CD33: variants seen among roughly 807,000 people sequenced by gnomAD.
CD33 encodes myeloid cell surface antigen CD33.
A neutral mutation model predicts 31.4 loss-of-function variants in CD33; 25 were observed. The ratio of observed to expected loss-of-function variants is 0.80; its 90% CI spans 0.58 to 1.11. The LOEUF is 1.11. Ranked by LOEUF, CD33 falls within the 50% of genes most tolerant of loss-of-function variation. CD33 has a pLI of 0.00. For missense variants in CD33, 407 were observed against 448.1 expected, an observed-to-expected ratio of 0.91 and a Z score of 0.83; for synonymous variants, 176 against 180.6, an observed-to-expected ratio of 0.97 and a Z score of 0.20.
chr19:51,233,684 G>A (rs1245583700), intron 4 of CD33, among the ~76,000 whole-genome samples: 1 of 152,236 alleles, frequency 6.6e-6, no homozygotes, highest in Admixed American at 6.5e-5. Flanking sequence ...TGTGAGGACT[G>A]TAAGATTAAC....
chr19:51,227,092 C>G (rs574138643), intron 4 of CD33, among the ~76,000 whole-genome samples: 1 of 151,878 alleles, frequency 6.6e-6, no homozygotes, highest in Non-Finnish European at 1.5e-5. Context: ...TGTGTATATA[C>G]GCCACATTTC....
intron 4 of CD33, among the ~76,000 whole-genome samples, 179 bp downstream of exon 4, chr19:51,226,535 T>C (rs1981049638): frequency 6.6e-6 from 1 of 152,186 alleles, no homozygotes; most frequent in Non-Finnish European, 1.5e-5. Context: ...CCCTTGCCCA[T>C]CCAAATAATG....
the CD33 span, among the ~76,000 whole-genome samples, chr19:51,217,414 G>GT: frequency 3.3e-3 from 478 of 144,694 alleles, 1 homozygote; most frequent in East Asian, 0.016. Flanking sequence ...TTGTTGTTTT[G>GT]TTTTTTTTTT....
chr19:51,226,080 C>T lies in CD33; in HGVS notation c.696C>T (p.Thr232=). Residue 232 remains threonine (T), a splice_region_variant and synonymous_variant, in exon 3 of 7, where the codon ACC becomes ACT. Transcript: ENST00000262262. The stretch of plus-strand genomic sequence containing the variant: ...AGAGAACCATCCAGCTCAACGTCAC[C>T]TGTAAGTGCTGGGCCAGGATGCTGG... ...TTERTIQLNV[T]YVPQNPTTGI... The T allele has an allele frequency of 6.2e-7, 1 of 1,613,664 alleles. No individual in the cohort carries two copies. Among genetic ancestry groups the T allele is most frequent in the Non-Finnish European group, 8.5e-7 (1 of 1,179,716 alleles).
At chr19:51,237,067 C>A (rs1181558108) in intron 6 of CD33, 1 of 152,330 alleles carries the variant, frequency 6.6e-6, no homozygotes, top group Non-Finnish European at 1.5e-5. Flanking sequence ...GCAGGGCAAG[C>A]TTTCTCATCT....
the CD33 span, chr19:51,211,110 T>C: frequency 1.3e-6 from 2 of 1,580,626 alleles, no homozygotes; most frequent in Non-Finnish European, 1.7e-6. Flanking sequence ...GCCTCAGACA[T>C]GCCACTGCTG....
intron 2 of CD33, 96 bp downstream of exon 2, chr19:51,225,694 G>T: frequency 6.5e-7 from 1 of 1,537,112 alleles, no homozygotes; most frequent in South Asian, 1.2e-5. Flanking sequence ...GGGTTTAGGG[G>T]TAAAGCCTGT....
chr19:51,229,334 G>A (rs916552242), intron 4 of CD33, among the ~76,000 whole-genome samples: 1 of 152,118 alleles, frequency 6.6e-6, no homozygotes, highest in Non-Finnish European at 1.5e-5. Flanking sequence ...GTTCATCAGG[G>A]ATATTGGCCT....
At position 51,225,849 on chromosome 19, in the gene CD33, C is replaced by T. The variant is rs571957160; in HGVS notation, c.465C>T (p.Pro155=). Residue 155 remains proline (P), a synonymous_variant, in exon 3 of 7, where the codon CCC becomes CCT. Transcript: ENST00000262262. ...PKILIPGTLE[P]GHSKNLTCSV... ...TCCTCATCCCTGGCACTCTAGAACC[C>T]GGCCACTCCAAAAACCTGACCTGCT... The T allele has an allele frequency of 2.6e-5, 40 of 1,538,682 alleles. No individual in the cohort carries two copies. Among genetic ancestry groups the T allele is most frequent in the Admixed American group, 1.7e-4 (10 of 58,214 alleles).
chr19:51,226,356 G>A lies in CD33; in HGVS notation c.745G>A (p.Gly249Arg). 1 of 1,613,304 alleles carries A rather than the reference G, an allele frequency of 6.2e-7. No homozygotes were observed. The highest frequency in any genetic ancestry group is 8.5e-7 in the Non-Finnish European group (1 of 1,179,298). Residue 249 changes from glycine (G) to arginine (R), a missense_variant and splice_region_variant, in exon 4 of 7, where the codon GGG becomes AGG. Transcript: ENST00000262262. The part of the protein sequence containing the change: ...TTGIFPGDGS[G>R]KQETRAGVVH... ...TGGTATCTTTCCAGGAGATGGCTCA[G>A]GTAGGAAGGAGCCTCCCCGCCTGGG...
intron 4 of CD33, among the ~76,000 whole-genome samples, chr19:51,229,704 A>T: frequency 6.6e-6 from 1 of 151,914 alleles, no homozygotes; most frequent in East Asian, 1.9e-4. Flanking sequence ...AGTGTCTAAG[A>T]TCCTGTGTAT....
Position 51,225,149 on chromosome 19 carries a change from TGG to T in CD33, c.33_34del (p.Trp11CysfsTer87). The T allele has an allele frequency of 6.2e-7, 1 of 1,613,850 alleles. No homozygotes were observed. The highest frequency in any genetic ancestry group is 1.7e-4 in the Middle Eastern group (1 of 6,018). On this transcript the variant is annotated frameshift_variant, in exon 1 of 7. Transcript: ENST00000262262. LOFTEE classifies it high-confidence loss of function. MPLLLLLPLLWAGALAMDPNF... is the reference protein window; with the variant it reads MPLLLLLPLLXAGALAMDPNF... ...GCTGCTGCTACTGCTGCCCCTGCTG[TGG>T]GCAGGTGAGTGGCTGTGGGGAGAGG...
At chr19:51,217,906 G>A in the CD33 span, among the ~76,000 whole-genome samples, 57 of 152,246 alleles carry the variant, frequency 3.7e-4, no homozygotes, top group Non-Finnish European at 6.6e-4. Flanking sequence ...GTATTCCATT[G>A]TATAACCCCC....
intron 4 of CD33, among the ~76,000 whole-genome samples, chr19:51,226,736 T>A (rs1049343800): frequency 6.6e-6 from 1 of 152,070 alleles, no homozygotes; most frequent in Non-Finnish European, 1.5e-5. Context: ...ACATTCAATA[T>A]CCCCTTTCTA....
the CD33 span, chr19:51,211,325 G>C: frequency 2.6e-6 from 4 of 1,564,964 alleles, no homozygotes; most frequent in Non-Finnish European, 3.5e-6. Context: ...TACTACAACA[G>C]GAATTTCTCA....
rs147713159 is a variant in CD33, at chr19:51,239,578, G to A, written c.985G>A (p.Ala329Thr). Residue 329 changes from alanine (A) to threonine (T), a missense_variant, in exon 7 of 7, where the codon GCC (alanine) becomes ACC (threonine). Coordinates refer to ENST00000262262, the MANE Select transcript of CD33 (RefSeq NM_001772.4). ...TGAAACCTCAAGCTGTTCAGGTGCCGCCCCTACTGTGGAGATGGATGAGGA... is the reference window on the plus strand; with the variant it reads ...TGAAACCTCAAGCTGTTCAGGTGCCACCCCTACTGTGGAGATGGATGAGGA... ...PTETSSCSGA[A>T]PTVEMDEELH... 173 of 1,613,368 alleles carry A rather than the reference G, an allele frequency of 1.1e-4. No homozygotes were observed. Among genetic ancestry groups the A allele is most frequent in the Middle Eastern group, 1.6e-4 (1 of 6,084 alleles).
chr19:51,217,792 T>C, the CD33 span, among the ~76,000 whole-genome samples: 1 of 152,232 alleles, frequency 6.6e-6, no homozygotes, highest in Non-Finnish European at 1.5e-5. Context: ...TGAGAACATA[T>C]GATATTTGAC....
At chr19:51,211,146 G>A in the CD33 span, 1 of 1,602,028 alleles carries the variant, frequency 6.2e-7, no homozygotes, top group South Asian at 1.1e-5. Flanking sequence ...CTGTGGGCAG[G>A]TGAATGGCTG....
At chr19:51,217,682 G>A in the CD33 span, among the ~76,000 whole-genome samples, 1 of 152,160 alleles carries the variant, frequency 6.6e-6, no homozygotes, top group African/African-American at 2.4e-5. Flanking sequence ...GCCTCCCAAA[G>A]TGCTGAGATT....
Sources: gnomAD v4.1 joint callset for allele counts (sites outside exome capture counted in the v4.1 genomes callset) on GRCh38, gnomAD v4.1.1 for gene constraint, MANE v1.5 for transcripts, NCBI Gene and HGNC (gene_info 2026-07-23, HGNC 2026-07-21) for gene names.